RMDN2: variants seen among roughly 807,000 people sequenced by gnomAD.
RMDN2 encodes regulator of microtubule dynamics 2.
In RMDN2, 61 loss-of-function variants were observed where a neutral mutation model predicts 52.8. That is an observed-to-expected ratio of 1.16 (90% CI 0.94 to 1.43). The LOEUF is 1.43. Ranked by LOEUF, RMDN2 falls within the 40% of genes most tolerant of loss-of-function variation. The pLI is 0.00. For missense variants in RMDN2, 592 were observed against 475.3 expected (o/e 1.25, Z -2.28); for synonymous variants, 180 against 153.1 (o/e 1.18, Z -1.30).
At chr2:37,962,391 C>G (rs1022754390) in intron 2 of RMDN2, among the ~76,000 whole-genome samples, 11 of 152,172 alleles carry the variant, frequency 7.2e-5, no homozygotes, top group African/African-American at 2.4e-4. Flanking sequence ...ATTTCCTGCC[C>G]AGAGAGGAGG....
intron 10 of RMDN2, among the ~76,000 whole-genome samples, chr2:38,028,913 C>G (rs1289975859): frequency 6.6e-6 from 1 of 152,136 alleles, no homozygotes; most frequent in Non-Finnish European, 1.5e-5. Context: ...GAAATTGCCT[C>G]CTGACCATCC....
chr2:38,018,554 A>G (rs760951520), downstream of RMDN2, among the ~76,000 whole-genome samples: 12 of 152,236 alleles, frequency 7.9e-5, no homozygotes, highest in Non-Finnish European at 1.5e-4. Context: ...AAAAATAATT[A>G]CAAAAATGTT....
At chr2:37,925,896 C>G (rs888979580) in intron 1 of RMDN2, among the ~76,000 whole-genome samples, 1 of 142,684 alleles carries the variant, frequency 7.0e-6, no homozygotes, top group African/African-American at 3.1e-5. Context: ...AAACGAAGGC[C>G]GGATTATCAG....
At chr2:37,987,640 A>C (rs765421859) in intron 5 of RMDN2, among the ~76,000 whole-genome samples, 2 of 152,198 alleles carry the variant, frequency 1.3e-5, no homozygotes, top group Admixed American at 6.5e-5. Flanking sequence ...ATTTGTCAAA[A>C]CCCATAGAAT....
At chr2:37,975,984 G>C (rs1454846626) in intron 4 of RMDN2, among the ~76,000 whole-genome samples, 3 of 152,216 alleles carry the variant, frequency 2.0e-5, no homozygotes, top group Admixed American at 1.3e-4. Flanking sequence ...CAGAGGACAA[G>C]TGTCTTCAGC....
chr2:37,946,249 G>C (rs1668211137), intron 2 of RMDN2, among the ~76,000 whole-genome samples: 1 of 152,134 alleles, frequency 6.6e-6, no homozygotes, highest in African/African-American at 2.4e-5. Flanking sequence ...GGGTGTAGGG[G>C]TTGGAGGTGT....
intron 10 of RMDN2, among the ~76,000 whole-genome samples, chr2:38,058,985 T>C (rs1367572182): frequency 1.3e-5 from 2 of 152,230 alleles, no homozygotes; most frequent in African/African-American, 4.8e-5. Flanking sequence ...ATGATTCTTA[T>C]CATAGTGTTT....
intron 10 of RMDN2, among the ~76,000 whole-genome samples, chr2:38,050,436 A>G (rs1232606332): frequency 6.6e-6 from 1 of 152,182 alleles, no homozygotes; most frequent in Non-Finnish European, 1.5e-5. Flanking sequence ...TGTTCCTGAA[A>G]AAGCAAACAA....
intron 10 of RMDN2, among the ~76,000 whole-genome samples, chr2:38,064,473 G>A (rs1330465613): frequency 1.3e-5 from 2 of 151,572 alleles, no homozygotes; most frequent in Non-Finnish European, 2.9e-5. Context: ...CTGGGTGACA[G>A]AGCGAGACTC....
At chr2:37,927,435 A>G (rs1572663165) in intron 1 of RMDN2, among the ~76,000 whole-genome samples, 2 of 152,242 alleles carry the variant, frequency 1.3e-5, no homozygotes, top group Non-Finnish European at 2.9e-5. Flanking sequence ...CAGTTCCTAA[A>G]GAAAGGGCCA....
At chr2:38,026,583 G>T (rs1679797413) in intron 10 of RMDN2, among the ~76,000 whole-genome samples, 1 of 151,940 alleles carries the variant, frequency 6.6e-6, no homozygotes, top group South Asian at 2.1e-4. Flanking sequence ...ATTGATATAA[G>T]ACTTTACTTG....
At position 37,989,533 on chromosome 2, in the gene RMDN2, C is replaced by A; in HGVS notation, c.792-8C>A. On this transcript the variant is annotated splice_polypyrimidine_tract_variant and splice_region_variant and intron_variant, in intron 5 of 10. Transcript: ENST00000354545. ...GCCACTGTTTTTGTCTGTTTTTGTC[C>A]TTTTCAGGTATGCAGTTTTGTGTGG... 6.2e-7 allele frequency: 1 copy of A among 1,604,468 alleles called. No individual in the cohort carries two copies. The highest frequency in any genetic ancestry group is 8.5e-7 in the Non-Finnish European group (1 of 1,175,070).
chr2:38,034,765 G>A (rs1441757603), intron 10 of RMDN2, among the ~76,000 whole-genome samples: 3 of 150,954 alleles, frequency 2.0e-5, no homozygotes, highest in Non-Finnish European at 1.5e-5. Flanking sequence ...AAATTTTCAT[G>A]ATAAAACATA....
intron 10 of RMDN2, among the ~76,000 whole-genome samples, chr2:38,006,446 A>G (rs910670728): frequency 1.3e-5 from 2 of 152,042 alleles, no homozygotes; most frequent in Non-Finnish European, 2.9e-5. Flanking sequence ...ATTCCTAGGT[A>G]TTTTATTCTC....
chr2:38,004,053 G>A lies in RMDN2; in HGVS notation c.1098+9G>A, dbSNP rs1290079789. On this transcript the variant is annotated intron_variant, in intron 9 of 10. Transcript: ENST00000354545. ...ACATGTACTTAGCAAAGGTAATGAA[G>A]ACCACTGTTCTGCTTTAAGATCACT... 1.3e-5 allele frequency: 21 copies of A among 1,611,484 alleles called. No individual in the cohort carries two copies. The highest frequency in any genetic ancestry group is 1.7e-5 in the Non-Finnish European group (20 of 1,177,776).
chr2:38,045,561 CA>C lies in RMDN2; in HGVS notation c.1714-21417del, dbSNP rs1681221671. ...AATCCTCTTCCCAACCACCCTCCAC[CA>C]AAATAATGATAAAGCTAGATAAAAT... On this transcript the variant is annotated intron_variant, in intron 10 of 10. Transcript: ENST00000234195. Among the ~76,000 whole-genome samples, 3 of 151,564 alleles carry C rather than the reference CA, an allele frequency of 2.0e-5. No homozygotes were observed. The South Asian group carries it at 6.3e-4, about 32-fold the overall frequency.
chr2:37,993,337 AC>A (rs1675072734), intron 7 of RMDN2, among the ~76,000 whole-genome samples: 1 of 152,166 alleles, frequency 6.6e-6, no homozygotes, highest in African/African-American at 2.4e-5. Flanking sequence ...AACTCTTTCC[AC>A]CAGGGGGAAT....
chr2:38,046,751 G>A (rs2082254), intron 10 of RMDN2, among the ~76,000 whole-genome samples: 6 of 152,130 alleles, frequency 3.9e-5, no homozygotes, highest in African/African-American at 9.6e-5. Context: ...TTGGGAGGCC[G>A]AGCTGGGTGG....
chr2:38,013,892 T>C (rs1678353268), intron 10 of RMDN2, among the ~76,000 whole-genome samples: 2 of 152,188 alleles, frequency 1.3e-5, no homozygotes. Flanking sequence ...CCTGGAGAAT[T>C]ATTCCTAGTA....
Sources: allele counts gnomAD v4.1 joint callset (sites outside exome capture counted in the v4.1 genomes callset), GRCh38; gene constraint gnomAD v4.1.1; transcripts MANE v1.5; gene names NCBI Gene and HGNC (gene_info 2026-07-23, HGNC 2026-07-21).